Variants in DOCK1 observed in about 807,000 individuals in gnomAD.
DOCK1 encodes the protein dedicator of cytokinesis 1, also known as dedicator of cytokinesis protein 1.
Under a neutral mutation model 262.7 loss-of-function variants are expected in DOCK1, and 138 were observed. The observed-to-expected ratio is 0.53, with a 90% CI of 0.46 to 0.61. The LOEUF (loss-of-function observed/expected upper bound fraction) is 0.61, where lower values mean the gene tolerates loss of function less well. Among genes scored for constraint, DOCK1 ranks in the 20% least tolerant of loss-of-function variants. DOCK1 has a pLI of 0.00. For synonymous variants in DOCK1, 866 were observed against 867.4 expected (o/e 1.00, Z 0.03); for missense variants, 1,908 against 2,370.7 (o/e 0.80, Z 4.05).
At chr10:127,289,347 T>C (rs1273550971) in intron 29 of DOCK1, among the ~76,000 whole-genome samples, 4 of 152,192 alleles carry the variant, frequency 2.6e-5, no homozygotes, top group Non-Finnish European at 4.4e-5. Flanking sequence ...CATATTTTCT[T>C]GCACCTGTCC....
At chr10:127,427,635 G>T (rs1437264070) in intron 47 of DOCK1, among the ~76,000 whole-genome samples, 1 of 152,184 alleles carries the variant, frequency 6.6e-6, no homozygotes, top group African/African-American at 2.4e-5. Context: ...TACCTCCAGG[G>T]TCTGTGCTTT....
intron 3 of DOCK1, among the ~76,000 whole-genome samples, chr10:126,979,905 G>C (rs1448243004): frequency 1.3e-5 from 2 of 152,168 alleles, no homozygotes; most frequent in African/African-American, 4.8e-5. Flanking sequence ...AGCGGAAGTT[G>C]CGCATTTCAA....
At chr10:127,193,367 C>T (rs745710087) in intron 27 of DOCK1, among the ~76,000 whole-genome samples, 12 of 152,154 alleles carry the variant, frequency 7.9e-5, no homozygotes, top group African/African-American at 2.4e-4. Flanking sequence ...GCTATGGACG[C>T]GTTGAACAGC....
intron 37 of DOCK1, among the ~76,000 whole-genome samples, chr10:127,382,118 T>G (rs2065861320): frequency 6.6e-6 from 1 of 152,182 alleles, no homozygotes; most frequent in Admixed American, 6.5e-5. Context: ...ATAAGAACAG[T>G]TACAAGAATT....
chr10:126,969,543 C>G (rs1419541521), intron 1 of DOCK1, among the ~76,000 whole-genome samples: 1 of 152,170 alleles, frequency 6.6e-6, no homozygotes, highest in East Asian at 1.9e-4. Flanking sequence ...ATAAGACTGG[C>G]TCATGCAGAA....
chr10:126,946,871 C>T (rs2035452623), intron 1 of DOCK1, among the ~76,000 whole-genome samples: 1 of 152,200 alleles, frequency 6.6e-6, no homozygotes, highest in South Asian at 2.1e-4. Flanking sequence ...ACAACTTGTC[C>T]ACTCTTTGCT....
Position 127,418,466 on chromosome 10 carries a change from C to T in DOCK1, c.4617C>T (p.Pro1539=). 6.2e-7 allele frequency: 1 copy of T among 1,614,126 alleles called. No homozygotes were observed. Among genetic ancestry groups the T allele is most frequent in the Non-Finnish European group, 8.5e-7 (1 of 1,180,018 alleles). ...VQQHLDDPSL[P]INPLSMLLNG... is the part of the protein sequence containing the mutation. Reference sequence around the variant, plus strand: ...AGCACCTGGATGACCCCAGCCTGCCCATCAACCCGCTCTCCATGCTCCTGA... The same window carrying T: ...AGCACCTGGATGACCCCAGCCTGCCTATCAACCCGCTCTCCATGCTCCTGA... The change falls in exon 45 of 52, where the codon CCC becomes CCT. Residue 1539 remains proline (P), a synonymous_variant. Coordinates refer to ENST00000623213, the MANE Select transcript of DOCK1 (RefSeq NM_001290223.2).
intron 29 of DOCK1, among the ~76,000 whole-genome samples, chr10:127,304,596 A>T (rs1172987158): frequency 6.6e-6 from 1 of 152,174 alleles, no homozygotes; most frequent in African/African-American, 2.4e-5. Flanking sequence ...CTGAAAACAC[A>T]TAAGTGAGGT....
intron 29 of DOCK1, among the ~76,000 whole-genome samples, chr10:127,322,930 A>G (rs1034829381): frequency 2.6e-4 from 40 of 152,244 alleles, no homozygotes; most frequent in African/African-American, 9.4e-4. Context: ...ACTGCAATCA[A>G]TAATCAATAA....
chr10:127,261,029 CTGTA>C lies in DOCK1; in HGVS notation c.3044+3604_3044+3607del, dbSNP rs1434909688. Among the ~76,000 whole-genome samples the C allele has an allele frequency of 2.3e-3, 121 of 53,442 alleles. 1 individual carries two copies. The highest frequency in any genetic ancestry group is 6.9e-3 in the African/African-American group (84 of 12,160). The allele number at this position is 53,442 out of a possible 152,430, so 35.1% of individuals were successfully genotyped here. A position where few individuals can be genotyped will look rare whatever the true frequency, so the allele number is the denominator to read the frequency against. ...CCTGCATGTGTGTGCATGTGGGTGT[CTGTA>C]TGTGTGTACCCGTGCTCATGTGTGT... On this transcript the variant is annotated intron_variant, in intron 29 of 51. Transcript: ENST00000623213.
chr10:127,034,974 C>G (rs1469280701), intron 18 of DOCK1, among the ~76,000 whole-genome samples: 1 of 152,210 alleles, frequency 6.6e-6, no homozygotes, highest in East Asian at 1.9e-4. Flanking sequence ...ATCCCCTCCC[C>G]AGACTGAGGG....
intron 27 of DOCK1, among the ~76,000 whole-genome samples, chr10:127,208,918 T>C (rs576020459): frequency 6.6e-6 from 1 of 152,342 alleles, no homozygotes; most frequent in South Asian, 2.1e-4. Flanking sequence ...TCCTTATTAA[T>C]TAAATTTAGT....
intron 14 of DOCK1, 40 bp from the exon 15 acceptor site, chr10:127,024,645 T>A: frequency 6.4e-7 from 1 of 1,551,752 alleles, no homozygotes; most frequent in Non-Finnish European, 8.8e-7. Context: ...TGTCAAGCTC[T>A]ATGAGGTCTT....
At chr10:127,112,878 A>C (rs1332046866) in intron 25 of DOCK1, among the ~76,000 whole-genome samples, 3 of 152,180 alleles carry the variant, frequency 2.0e-5, no homozygotes, top group African/African-American at 7.2e-5. Context: ...GGTCCCATTT[A>C]CTGTCTTTGA....
chr10:127,155,795 C>T (rs1000568917), intron 27 of DOCK1, among the ~76,000 whole-genome samples: 12 of 152,148 alleles, frequency 7.9e-5, no homozygotes, highest in Non-Finnish European at 1.3e-4. Context: ...TACTGGAGCT[C>T]GGCTCTAAGC....
intron 29 of DOCK1, among the ~76,000 whole-genome samples, chr10:127,318,403 A>T (rs1212980539): frequency 6.6e-6 from 1 of 152,192 alleles, no homozygotes; most frequent in Non-Finnish European, 1.5e-5. Context: ...AGAGTGTGTG[A>T]GGAGACGAGT....
chr10:127,214,927 A>G (rs1041461851), intron 27 of DOCK1, among the ~76,000 whole-genome samples: 1 of 152,052 alleles, frequency 6.6e-6, no homozygotes, highest in Non-Finnish European at 1.5e-5. Flanking sequence ...TATGTGATGG[A>G]ATATGGTAGT....
chr10:127,055,087 T>G, intron 22 of DOCK1, among the ~76,000 whole-genome samples: 1 of 152,184 alleles, frequency 6.6e-6, no homozygotes, highest in South Asian at 2.1e-4. Flanking sequence ...TTGATCAGTC[T>G]AATAGTGCTT....
At chr10:127,400,796 C>T (rs368792250) in intron 38 of DOCK1, among the ~76,000 whole-genome samples, 4 of 152,198 alleles carry the variant, frequency 2.6e-5, no homozygotes, top group East Asian at 3.9e-4. Flanking sequence ...CACCCCCAGT[C>T]ATGCCTCTCC....
Sources: gnomAD v4.1 joint callset for allele counts (sites outside exome capture counted in the v4.1 genomes callset) on GRCh38, gnomAD v4.1.1 for gene constraint, MANE v1.5 for transcripts, NCBI Gene and HGNC (gene_info 2026-07-23, HGNC 2026-07-21) for gene names.